The following SCLY variants were observed in gnomAD, a reference collection of about 807,000 sequenced individuals.
SCLY encodes the protein putative selenocysteine lyase.
Under a neutral mutation model 50.1 loss-of-function variants are expected in SCLY, and 38 were observed. The ratio of observed to expected loss-of-function variants is 0.76; its 90% CI spans 0.59 to 0.99. SCLY has a LOEUF of 0.99. SCLY is among the 50% of genes least tolerant of loss of function. The pLI, the probability that SCLY is intolerant of heterozygous loss-of-function variation, is 0.00. For synonymous variants in SCLY, 243 were observed against 249.4 expected, an observed-to-expected ratio of 0.97 and a Z score of 0.24; for missense variants, 600 against 620.0, an observed-to-expected ratio of 0.97 and a Z score of 0.34.
rs2065069343 is a variant in SCLY at position 238,066,154 on chromosome 2, A to T, written c.202+1685A>T. The stretch of plus-strand genomic sequence containing the variant: ...AAAAATAAACTATCTTCGGCAAAAC[A>T]AGAAACCTAGTGAGCATTGCACTGT... On this transcript the variant is annotated intron_variant, in intron 2 of 11. Transcript: ENST00000254663. This position sits in a 1 kb window ranked among gnomAD's most constrained non-coding sequence, Gnocchi z 4.1. Among the ~76,000 whole-genome samples the T allele has an allele frequency of 6.6e-6, 1 of 152,202 alleles. No individual in the cohort carries two copies. The highest frequency in any genetic ancestry group is 6.5e-5 in the Admixed American group (1 of 15,280).
chr2:238,084,013 T>C (rs1041330843), intron 7 of SCLY, among the ~76,000 whole-genome samples: 1 of 152,228 alleles, frequency 6.6e-6, no homozygotes, highest in Non-Finnish European at 1.5e-5. Context: ...GACAGAAAAC[T>C]TTGAGACAAC....
rs2106436876 is a variant in SCLY at position 238,067,242 on chromosome 2, A to G, written c.203-823A>G. On this transcript the variant is annotated intron_variant, in intron 2 of 11. Coordinates refer to ENST00000254663, the MANE Select transcript of SCLY (RefSeq NM_016510.7). This position sits in a 1 kb window ranked among gnomAD's most constrained non-coding sequence, Gnocchi z 4.3. ...CTACTACTAAAACTGACATCTATAC[A>G]GTAGCGTTAAGGAGCAGCAGAATTA... Among the ~76,000 whole-genome samples, 1 of 152,332 alleles carries G rather than the reference A, an allele frequency of 6.6e-6. No homozygotes were observed.
In SCLY at chr2:238,083,093, G is replaced by T. The variant is rs1445084463; in HGVS notation, c.778-155G>T. On this transcript the variant is annotated intron_variant, in intron 6 of 11. Transcript: ENST00000254663. This position sits in a 1 kb window ranked among gnomAD's most constrained non-coding sequence, Gnocchi z 4.3. ...GCCCCGAAGGCTTTTGTGACTCTGCGTGTCAAAAGGGGTGGCACTCAGAGG... is the reference window on the plus strand; with the variant it reads ...GCCCCGAAGGCTTTTGTGACTCTGCTTGTCAAAAGGGGTGGCACTCAGAGG... The T allele has an allele frequency of 5.6e-6, 4 of 710,460 alleles. No homozygotes were observed. The highest frequency in any genetic ancestry group is 7.9e-6 in the Non-Finnish European group (3 of 381,910). 44.0% of individuals were successfully genotyped at this position (710,460 alleles called of 1,614,324 possible). A position where few individuals can be genotyped will look rare whatever the true frequency, so the allele number is the denominator to read the frequency against.
At chr2:238,080,473 G>T (rs1375675451) in intron 4 of SCLY, 2 of 152,258 alleles carry the variant, frequency 1.3e-5, no homozygotes, top group Non-Finnish European at 2.9e-5. Context: ...TCCCCAGGAG[G>T]TGTCTCCCAG....
In SCLY at chr2:238,098,579, G is replaced by GACCGCCCACATGGGAACGCCCACATAGA. The variant is rs1574721129; in HGVS notation, c.*235_*236insGGGAACGCCCACATAGAACCGCCCACAT. 8.4e-5 allele frequency: 33 copies of GACCGCCCACATGGGAACGCCCACATAGA among 394,760 alleles called. 1 individual carries two copies. The Admixed American group carries it at 1.0e-3, about 12-fold the overall frequency. The allele number at this position is 394,760 out of a possible 1,614,324, so 24.5% of individuals were successfully genotyped here. A position where few individuals can be genotyped will look rare whatever the true frequency, so the allele number is the denominator to read the frequency against. ...ACGCCGCATAGGACTGCCCACATGG[G>GACCGCCCACATGGGAACGCCCACATAGA]ACCGCCCACATAGGACCGCCCACAT... is the stretch of plus-strand genomic sequence containing the variant. On this transcript the variant is annotated 3_prime_UTR_variant, in exon 12 of 12. Coordinates refer to ENST00000254663, the MANE Select transcript of SCLY (RefSeq NM_016510.7).
Position 238,069,540 on chromosome 2 carries a change from G to A in SCLY, c.484+63G>A. On this transcript the variant is annotated intron_variant, in intron 4 of 11. Coordinates refer to ENST00000254663, the MANE Select transcript of SCLY (RefSeq NM_016510.7). This position sits in a 1 kb window ranked among gnomAD's most constrained non-coding sequence, Gnocchi z 5.0. ...GAGCTCCAGCTGCGAGGCGGGAAGT[G>A]GCCTGCGAGCAGAGCCCGGGATCCG... The A allele has an allele frequency of 6.9e-7, 1 of 1,458,008 alleles. No homozygotes were observed. The highest frequency in any genetic ancestry group is 1.3e-5 in the South Asian group (1 of 76,166). The allele number at this position is 1,458,008 out of a possible 1,614,324, so 90.3% of individuals were successfully genotyped here. A position where few individuals can be genotyped will look rare whatever the true frequency, so the allele number is the denominator to read the frequency against.
intron 11 of SCLY, among the ~76,000 whole-genome samples, chr2:238,097,085 A>T (rs925928825): frequency 6.6e-6 from 1 of 150,560 alleles, no homozygotes; most frequent in African/African-American, 2.5e-5. Flanking sequence ...GCGGGAGAAG[A>T]GGGCTTCTCG....
In SCLY at chr2:238,098,503, C is replaced by T; in HGVS notation, c.*148C>T. 6.5e-6 allele frequency: 6 copies of T among 923,460 alleles called. No homozygotes were observed. Among genetic ancestry groups the T allele is most frequent in the Non-Finnish European group, 9.4e-6 (6 of 638,654 alleles). The allele number at this position is 923,460 out of a possible 1,614,324, so 57.2% of individuals were successfully genotyped here. A position where few individuals can be genotyped will look rare whatever the true frequency, so the allele number is the denominator to read the frequency against. On this transcript the variant is annotated 3_prime_UTR_variant, in exon 12 of 12. Transcript: ENST00000254663. ...CCTGGAGTGCCAGCGAGTGTGCACC[C>T]CCAGTTTCCTTCCCTGGACCCCTGC... is the stretch of plus-strand genomic sequence containing the variant.
At chr2:238,079,162 C>CCTG (rs1233448078) in intron 4 of SCLY, 2 of 149,158 alleles carry the variant, frequency 1.3e-5, no homozygotes, top group Non-Finnish European at 3.0e-5. Context: ...ACAGCCTCAA[C>CCTG]CTCCCAGGCT....
intron 4 of SCLY, among the ~76,000 whole-genome samples, chr2:238,076,402 T>C: frequency 6.6e-6 from 1 of 152,238 alleles, no homozygotes; most frequent in East Asian, 1.9e-4. Context: ...GTTTTTTCTT[T>C]TTTAATGTAG....
At position 238,069,238 on chromosome 2, in the gene SCLY, G is replaced by T; in HGVS notation, c.304-59G>T. ...AAGAAATTAAGTAACAGAAATTGTT[G>T]CTCTGACCCTTACCTCAGCACAGTT... On this transcript the variant is annotated intron_variant, in intron 3 of 11. Transcript: ENST00000254663. This position sits in a 1 kb window ranked among gnomAD's most constrained non-coding sequence, Gnocchi z 5.0. The T allele has an allele frequency of 6.7e-7, 1 of 1,485,854 alleles. No individual in the cohort carries two copies. 92.0% of individuals were successfully genotyped at this position (1,485,854 alleles called of 1,614,324 possible).
Position 238,089,857 on chromosome 2 carries a change from G to A in SCLY, c.885-1361G>A, listed in dbSNP as rs149572891. Among the ~76,000 whole-genome samples the A allele has an allele frequency of 1.4e-4, 22 of 152,182 alleles. No homozygotes were observed. The East Asian group carries it at 4.2e-3, about 29-fold the overall frequency. On this transcript the variant is annotated intron_variant, in intron 7 of 11. Transcript: ENST00000254663. ...AAAATAGAAAATCTTCAAGTTCTAG[G>A]ACTAGGCAAAGAGTTCTTAGACTTG... is the stretch of plus-strand genomic sequence containing the variant.
At chr2:238,076,362 GATT>G (rs2065173823) in intron 4 of SCLY, among the ~76,000 whole-genome samples, 1 of 152,124 alleles carries the variant, frequency 6.6e-6, no homozygotes, top group Admixed American at 6.5e-5. Context: ...AAAGTGCTGG[GATT>G]ACAGGTGTGA....
chr2:238,097,738 G>A (rs2065454792), intron 11 of SCLY, among the ~76,000 whole-genome samples: 1 of 152,108 alleles, frequency 6.6e-6, no homozygotes, highest in African/African-American at 2.4e-5. Context: ...CTTGCTTCAG[G>A]ATGTCCCCAC....
intron 6 of SCLY, 145 bp downstream of exon 6, chr2:238,082,354 G>A: frequency 1.3e-6 from 1 of 747,030 alleles, no homozygotes; most frequent in Non-Finnish European, 2.1e-6. Context: ...TTGTCCTCAG[G>A]AGCTTTAAGA....
intron 7 of SCLY, 151 bp from the exon 8 acceptor site, chr2:238,091,067 G>A (rs2065356663): frequency 2.7e-6 from 2 of 728,358 alleles, no homozygotes; most frequent in East Asian, 5.2e-5. Context: ...GGTTTCTGGG[G>A]CCTGCAGCTG....
chr2:238,082,119 C>G lies in SCLY; in HGVS notation c.687C>G (p.Leu229=). The change falls in exon 6 of 12, where the codon CTC becomes CTG. Residue 229 remains leucine (L), a synonymous_variant. Transcript: ENST00000254663. ...ERVAAGLPPI[L]VHTDAAQALG... The stretch of plus-strand genomic sequence containing the variant: ...TGGCAGCTGGGCTACCTCCCATCCT[C>G]GTGCACACGGATGCTGCACAGGCCT... 1.2e-6 allele frequency: 2 copies of G among 1,613,344 alleles called. No homozygotes were observed. The highest frequency in any genetic ancestry group is 8.5e-7 in the Non-Finnish European group (1 of 1,179,966).
rs1418221283 is a variant in SCLY at position 238,083,427 on chromosome 2, A to G, written c.884+73A>G. The G allele has an allele frequency of 2.6e-6, 3 of 1,141,234 alleles. No homozygotes were observed. Among genetic ancestry groups the G allele is most frequent in the South Asian group, 1.2e-5 (1 of 81,078 alleles). 70.7% of individuals were successfully genotyped at this position (1,141,234 alleles called of 1,614,324 possible). A position where few individuals can be genotyped will look rare whatever the true frequency, so the allele number is the denominator to read the frequency against. ...TGTAGAGCAGTGACATTGTAAAGAA[A>G]CATGGCGCTGTTTCTTGGTCTCGTG... On this transcript the variant is annotated intron_variant, in intron 7 of 11. Coordinates refer to ENST00000254663, the MANE Select transcript of SCLY (RefSeq NM_016510.7). The surrounding 1 kb of genome is among the most constrained non-coding windows in gnomAD (Gnocchi z 4.3).
intron 4 of SCLY, among the ~76,000 whole-genome samples, chr2:238,077,931 A>G (rs991912223): frequency 5.3e-5 from 8 of 151,144 alleles, no homozygotes; most frequent in African/African-American, 1.9e-4. Flanking sequence ...TGAACAAGAC[A>G]CATGGGTCTC....
Sources: gnomAD v4.1 joint callset for allele counts (sites outside exome capture counted in the v4.1 genomes callset) on GRCh38, gnomAD v4.1.1 for gene constraint, Gnocchi (gnomAD v3.1) non-coding constraint, MANE v1.5 for transcripts, NCBI Gene and HGNC (gene_info 2026-07-23, HGNC 2026-07-21) for gene names.